The following TLR4 variants were observed in gnomAD, a reference collection of about 807,000 sequenced individuals.
TLR4 encodes toll-like receptor 4.
TLR4 carries 17 observed loss-of-function variants against 27.4 expected under a neutral mutation model. That is an observed-to-expected ratio of 0.62 (90% CI 0.42 to 0.93). The LOEUF (loss-of-function observed/expected upper bound fraction) is 0.93. Among genes scored for constraint, TLR4 ranks in the 40% least tolerant of loss-of-function variants. The pLI is 0.00. For synonymous variants in TLR4, 363 were observed against 365.7 expected (o/e 0.99, Z 0.08); for missense variants, 926 against 962.3 (o/e 0.96, Z 0.50).
At position 117,714,059 on chromosome 9, in the gene TLR4, T is replaced by C; in HGVS notation, c.1931T>C (p.Val644Ala). ...GTGTCGGTCCTCAGTGTGCTTGTAG[T>C]ATCTGTTGTAGCAGTTCTGGTCTAT... The part of the protein sequence containing the change: ...IGVSVLSVLV[V>A]SVVAVLVYKF... Residue 644 changes from valine (V) to alanine (A), a missense_variant, in exon 3 of 3, where the codon GTA (valine) becomes GCA (alanine). Transcript: ENST00000355622. The C allele has an allele frequency of 3.1e-6, 5 of 1,614,046 alleles. No homozygotes were observed. In the South Asian group the frequency reaches 4.4e-5, roughly 14 times the overall value.
chr9:117,712,582 T>C lies in TLR4; in HGVS notation c.454T>C (p.Leu152=), dbSNP rs766539584. 9.3e-6 allele frequency: 15 copies of C among 1,614,030 alleles called. No homozygotes were observed. The East Asian group carries it at 3.3e-4, about 36-fold the overall frequency. Residue 152 remains leucine (L), a synonymous_variant, in exon 3 of 3, where the codon TTG becomes CTG. Transcript: ENST00000355622. ...ENFPIGHLKT[L]KELNVAHNLI... is the part of the protein sequence containing the mutation. ...CTTCCCCATTGGACATCTCAAAACT[T>C]TGAAAGAACTTAATGTGGCTCACAA...
Position 117,713,443 on chromosome 9 carries a change from G to A in TLR4, c.1315G>A (p.Glu439Lys), listed in dbSNP as rs1051699282. The change falls in exon 3 of 3, where the codon GAG becomes AAG. Residue 439 changes from glutamate (E) to lysine (K), a missense_variant. By Grantham distance (56) the Glu-to-Lys change is moderately conservative (BLOSUM62 1). Coordinates refer to ENST00000355622, the MANE Select transcript of TLR4 (RefSeq NM_138554.5). ...FQHSNLKQMS[E>K]FSVFLSLRNL... ...GCATTCCAATTTGAAACAAATGAGTGAGTTTTCAGTATTCCTATCACTCAG... is the reference window on the plus strand; with the variant it reads ...GCATTCCAATTTGAAACAAATGAGTAAGTTTTCAGTATTCCTATCACTCAG... 1.9e-6 allele frequency: 3 copies of A among 1,613,944 alleles called. No individual in the cohort carries two copies. In the African/African-American group the frequency reaches 4.0e-5, roughly 22 times the overall value.
At chr9:117,711,175 T>C (rs978489416) in intron 2 of TLR4, among the ~76,000 whole-genome samples, 1 of 152,202 alleles carries the variant, frequency 6.6e-6, no homozygotes, top group Non-Finnish European at 1.5e-5. Context: ...TCCAGCGTTC[T>C]TTCTACTATA....
At position 117,720,376 on chromosome 9, in the gene TLR4, C is replaced by T. The variant is rs1278286916; in HGVS notation, c.*5728C>T. 2 of 152,154 alleles carry T rather than the reference C, an allele frequency of 1.3e-5. No individual in the cohort carries two copies. The highest frequency in any genetic ancestry group is 3.9e-4 in the East Asian group (2 of 5,194). 9.4% of individuals were successfully genotyped at this position (152,154 alleles called of 1,614,324 possible). ...ATCTAGAAATTAAAAGTTTAAAAGG[C>T]AGAGTCTGCAACTCTCCTTGATTTC... On this transcript the variant is annotated 3_prime_UTR_variant, in exon 3 of 3. Transcript: ENST00000355622.
At position 117,712,919 on chromosome 9, in the gene TLR4, G is replaced by T; in HGVS notation, c.791G>T (p.Arg264Ile). The T allele has an allele frequency of 1.2e-6, 2 of 1,614,072 alleles. No individual in the cohort carries two copies. The highest frequency in any genetic ancestry group is 1.7e-6 in the Non-Finnish European group (2 of 1,179,990). ...EVHRLVLGEFRNEGNLEKFDK... is the reference protein window; with the variant it reads ...EVHRLVLGEFINEGNLEKFDK... ...CATCGTTTGGTTCTGGGAGAATTTA[G>T]AAATGAAGGAAACTTGGAAAAGTTT... Residue 264 changes from arginine (R) to isoleucine (I), a missense_variant, in exon 3 of 3, where the codon AGA (arginine) becomes ATA (isoleucine). Transcript: ENST00000355622.
chr9:117,707,157 GA>G (rs1829148344), intron 1 of TLR4, among the ~76,000 whole-genome samples: 1 of 152,174 alleles, frequency 6.6e-6, no homozygotes, highest in Non-Finnish European at 1.5e-5. Context: ...CCGTGAAAGG[GA>G]ATAAAAGAGG....
At chr9:117,708,019 T>G in intron 1 of TLR4, 1 of 179,768 alleles carries the variant, frequency 5.6e-6, no homozygotes, top group Non-Finnish European at 1.1e-5. Context: ...GCATCATGGA[T>G]TTGTGTGTCA....
intron 2 of TLR4, among the ~76,000 whole-genome samples, chr9:117,711,964 GCTACCAA>G (rs1050035503): frequency 3.0e-4 from 46 of 152,024 alleles, no homozygotes; most frequent in Non-Finnish European, 4.1e-4. Flanking sequence ...ATTTATCTTG[GCTACCAA>G]CTAACAACTA....
rs770682940 is a variant in TLR4 at position 117,713,211 on chromosome 9, C to G, written c.1083C>G (p.Asn361Lys). 6.2e-7 allele frequency: 1 copy of G among 1,614,002 alleles called. No homozygotes were observed. Among genetic ancestry groups the G allele is most frequent in the Non-Finnish European group, 8.5e-7 (1 of 1,179,974 alleles). The change falls in exon 3 of 3, where the codon AAC becomes AAG. Residue 361 changes from asparagine to lysine, a missense_variant. Coordinates refer to ENST00000355622, the MANE Select transcript of TLR4 (RefSeq NM_138554.5). ...TCAAAAGGCTTACTTTCACTTCCAA[C>G]AAAGGTGGGAATGCTTTTTCAGAAG... is the stretch of plus-strand genomic sequence containing the variant. ...KSLKRLTFTS[N>K]KGGNAFSEVD...
rs777623388 is a variant in TLR4, at chr9:117,713,880, T to C, written c.1752T>C (p.Thr584=). 6.2e-7 allele frequency: 1 copy of C among 1,614,060 alleles called. No homozygotes were observed. Among genetic ancestry groups the C allele is most frequent in the Admixed American group, 1.7e-5 (1 of 59,986 alleles). Reference sequence around the variant, plus strand: ...TTACTCAGAATGACTTTGCTTGTACTTGTGAACACCAGAGTTTCCTGCAAT... The same window carrying C: ...TTACTCAGAATGACTTTGCTTGTACCTGTGAACACCAGAGTTTCCTGCAAT... ...LNLTQNDFAC[T]CEHQSFLQWI... is the part of the protein sequence containing the mutation. Residue 584 remains threonine (T), a synonymous_variant, in exon 3 of 3, where the codon ACT becomes ACC. Coordinates refer to ENST00000355622, the MANE Select transcript of TLR4 (RefSeq NM_138554.5).
chr9:117,711,896 A>T (rs374101533), intron 2 of TLR4, among the ~76,000 whole-genome samples: 30 of 152,278 alleles, frequency 2.0e-4, no homozygotes, highest in African/African-American at 7.2e-4. Context: ...AAACATTAAG[A>T]GTATCTGTGA....
At chr9:117,704,653 A>C in intron 1 of TLR4, 88 bp downstream of exon 1, 1 of 468,822 alleles carries the variant, frequency 2.1e-6, no homozygotes, top group Non-Finnish European at 3.2e-6. Flanking sequence ...TATTTTTGCA[A>C]AAAAAAAAAA....
chr9:117,712,501 C>T lies in TLR4; in HGVS notation c.373C>T (p.Leu125=), dbSNP rs1829249839. ...QSLALGAFSG[L]SSLQKLVAVE... ...TTTAGCCCTGGGAGCCTTTTCTGGA[C>T]TATCAAGTTTACAGAAGCTGGTGGC... The change falls in exon 3 of 3, where the codon CTA becomes TTA. Residue 125 remains leucine, a synonymous_variant. Transcript: ENST00000355622. 6.2e-7 allele frequency: 1 copy of T among 1,613,958 alleles called. No homozygotes were observed. The highest frequency in any genetic ancestry group is 8.5e-7 in the Non-Finnish European group (1 of 1,179,916).
rs779025130 is a variant in TLR4, at chr9:117,708,588, G to T, written c.119G>T (p.Cys40Phe). The change falls in exon 2 of 3, where the codon TGC (cysteine) becomes TTC (phenylalanine). Residue 40 changes from cysteine (C) to phenylalanine (F), a missense_variant. Coordinates refer to ENST00000355622, the MANE Select transcript of TLR4 (RefSeq NM_138554.5). ...VEVVPNITYQ[C>F]MELNFYKIPD... is the part of the protein sequence containing the mutation. ...GTGGTTCCTAATATTACTTATCAATGCATGGAGCTGAATTTCTACAAAATC... is the reference window on the plus strand; with the variant it reads ...GTGGTTCCTAATATTACTTATCAATTCATGGAGCTGAATTTCTACAAAATC... The T allele has an allele frequency of 6.2e-7, 1 of 1,613,698 alleles. No homozygotes were observed. Among genetic ancestry groups the T allele is most frequent in the South Asian group, 1.1e-5 (1 of 91,090 alleles).
intron 2 of TLR4, among the ~76,000 whole-genome samples, chr9:117,710,569 C>T (rs1229040386): frequency 6.6e-6 from 1 of 151,684 alleles, no homozygotes; most frequent in East Asian, 1.9e-4. Context: ...TCTGTGCTTA[C>T]AGAGAGGCCA....
Position 117,714,366 on chromosome 9 carries a change from G to T in TLR4, c.2238G>T (p.Trp746Cys). 1.2e-6 allele frequency: 2 copies of T among 1,603,110 alleles called. No individual in the cohort carries two copies. Among genetic ancestry groups the T allele is most frequent in the Non-Finnish European group, 1.7e-6 (2 of 1,170,682 alleles). ...CCCAGCACTTCATCCAGAGCCGCTG[G>T]TGTATCTTTGAATATGAGATTGCTC... ...VVSQHFIQSR[W>C]CIFEYEIAQT... The change falls in exon 3 of 3, where the codon TGG becomes TGT. Residue 746 changes from tryptophan to cysteine, a missense_variant. Physicochemically the swap from Trp to Cys is radical, Grantham distance 215 (BLOSUM62 -2). Coordinates refer to ENST00000355622, the MANE Select transcript of TLR4 (RefSeq NM_138554.5).
At chr9:117,711,899 A>G (rs1829236829) in intron 2 of TLR4, among the ~76,000 whole-genome samples, 1 of 152,192 alleles carries the variant, frequency 6.6e-6, no homozygotes, top group Non-Finnish European at 1.5e-5. Context: ...CATTAAGAGT[A>G]TCTGTGACAC....
Position 117,718,508 on chromosome 9 carries a change from A to G in TLR4, c.*3860A>G, listed in dbSNP as rs1267394366. 1 of 152,010 alleles carries G rather than the reference A, an allele frequency of 6.6e-6. No individual in the cohort carries two copies. The highest frequency in any genetic ancestry group is 1.5e-5 in the Non-Finnish European group (1 of 68,000). The allele number at this position is 152,010 out of a possible 1,614,324, so 9.4% of individuals were successfully genotyped here. A position where few individuals can be genotyped will look rare whatever the true frequency, so the allele number is the denominator to read the frequency against. ...TCTGGACATAGAATAAAAAGAGGAG[A>G]GAAAGACACCGAGAATGAGCGTTAA... is the stretch of plus-strand genomic sequence containing the variant. On this transcript the variant is annotated 3_prime_UTR_variant, in exon 3 of 3. Coordinates refer to ENST00000355622, the MANE Select transcript of TLR4 (RefSeq NM_138554.5).
In TLR4 at chr9:117,714,588, A is replaced by T; in HGVS notation, c.2460A>T (p.Ser820=). Residue 820 remains serine (S), a synonymous_variant, in exon 3 of 3, where the codon TCA becomes TCT. Coordinates refer to ENST00000355622, the MANE Select transcript of TLR4 (RefSeq NM_138554.5). ...RLRKALLDGK[S]WNPEGTVGTG... ...GAAAAGCCCTGCTGGATGGTAAATCATGGAATCCAGAAGGAACAGTGGGTA... is the reference window on the plus strand; with the variant it reads ...GAAAAGCCCTGCTGGATGGTAAATCTTGGAATCCAGAAGGAACAGTGGGTA... 6.2e-7 allele frequency: 1 copy of T among 1,613,808 alleles called. No homozygotes were observed. Among genetic ancestry groups the T allele is most frequent in the Admixed American group, 1.7e-5 (1 of 60,014 alleles).
Sources: allele counts gnomAD v4.1 joint callset (sites outside exome capture counted in the v4.1 genomes callset), GRCh38; gene constraint gnomAD v4.1.1; transcripts MANE v1.5; gene names NCBI Gene and HGNC (gene_info 2026-07-23, HGNC 2026-07-21).